Variants in FCHO2 observed in about 807,000 individuals in gnomAD.
The protein encoded by FCHO2 is F-BAR domain only protein 2.
FCHO2 carries 43 observed loss-of-function variants against 114.1 expected under a neutral mutation model. That is an observed-to-expected ratio of 0.38 (90% CI 0.30 to 0.49). The LOEUF (loss-of-function observed/expected upper bound fraction) is 0.49. Ranked by LOEUF, FCHO2 falls within the 20% of genes least tolerant of loss-of-function variation. The pLI is 0.97. For missense variants in FCHO2, 807 were observed against 950.4 expected, an observed-to-expected ratio of 0.85 and a Z score of 1.98; for synonymous variants, 293 against 315.2, an observed-to-expected ratio of 0.93 and a Z score of 0.75.
At position 73,063,852 on chromosome 5, in the gene FCHO2, ACTC is replaced by A; in HGVS notation, c.1361_1363del (p.Pro454del). Reference sequence around the variant, plus strand: ...TCCCCCTCAACCAGCCAGGCCCACAACTCCTCTTTCTGTAGGCACCATTGTCCC... The same window carrying A: ...TCCCCCTCAACCAGCCAGGCCCACAACTCTTTCTGTAGGCACCATTGTCCC... On this transcript the variant is annotated inframe_deletion, in exon 18 of 26. Coordinates refer to ENST00000430046, the MANE Select transcript of FCHO2 (RefSeq NM_138782.3). 1 of 1,611,418 alleles carries A rather than the reference ACTC, an allele frequency of 6.2e-7. No homozygotes were observed. Among genetic ancestry groups the A allele is most frequent in the Non-Finnish European group, 8.5e-7 (1 of 1,178,602 alleles).
At chr5:73,061,845 A>G (rs1757866221) in intron 17 of FCHO2, among the ~76,000 whole-genome samples, 1 of 152,108 alleles carries the variant, frequency 6.6e-6, no homozygotes, top group African/African-American at 2.4e-5. Flanking sequence ...TGAGGATCAC[A>G]GTGACCTTTG....
chr5:73,072,027 A>G (rs1213836269), intron 19 of FCHO2, among the ~76,000 whole-genome samples: 7 of 151,646 alleles, frequency 4.6e-5, no homozygotes, highest in Non-Finnish European at 5.9e-5. Flanking sequence ...GTTACTCAAG[A>G]GACATTTTTT....
chr5:73,034,747 A>G (rs897966207), intron 9 of FCHO2, 46 bp downstream of exon 9: 9 of 1,457,692 alleles, frequency 6.2e-6, no homozygotes, highest in Non-Finnish European at 8.4e-6. Flanking sequence ...GCAGCTAGCT[A>G]GTATCTTCTG....
intron 24 of FCHO2, among the ~76,000 whole-genome samples, chr5:73,086,095 C>T (rs2112898956): frequency 6.6e-6 from 1 of 151,288 alleles, no homozygotes; most frequent in South Asian, 2.1e-4. Context: ...GCACTCCAGC[C>T]TAGGCAACAG....
chr5:73,009,898 A>C (rs759374454), intron 6 of FCHO2, among the ~76,000 whole-genome samples: 1 of 152,194 alleles, frequency 6.6e-6, no homozygotes, highest in Non-Finnish European at 1.5e-5. Context: ...TGCTGCTTTT[A>C]AATAAAGATG....
At chr5:73,080,389 C>T (rs1043203293) in intron 22 of FCHO2, among the ~76,000 whole-genome samples, 9 of 152,158 alleles carry the variant, frequency 5.9e-5, no homozygotes, top group African/African-American at 2.2e-4. Context: ...ACCTTTAATT[C>T]AACAATTCCA....
intron 21 of FCHO2, 126 bp downstream of exon 21, chr5:73,077,619 C>G: frequency 9.5e-7 from 1 of 1,055,182 alleles, no homozygotes. Context: ...TGCTTGAGCC[C>G]AGTTGTTCAA....
chr5:72,990,651 T>C lies in FCHO2; in HGVS notation c.342+32T>C, dbSNP rs760129957. ...GTTTTTTTCTTGTTAAATAATTGAT[T>C]GGTCAGATATTGAATACTTTATAGT... On this transcript the variant is annotated intron_variant, in intron 4 of 25. Coordinates refer to ENST00000430046, the MANE Select transcript of FCHO2 (RefSeq NM_138782.3). 3.9e-6 allele frequency: 6 copies of C among 1,526,158 alleles called. No individual in the cohort carries two copies. In the Admixed American group the frequency reaches 1.5e-4, roughly 37 times the overall value. The allele number at this position is 1,526,158 out of a possible 1,614,324, so 94.5% of individuals were successfully genotyped here.
At chr5:73,016,235 G>T (rs1382656355) in intron 7 of FCHO2, among the ~76,000 whole-genome samples, 1 of 151,914 alleles carries the variant, frequency 6.6e-6, no homozygotes, top group Non-Finnish European at 1.5e-5. Context: ...GATTACTTGA[G>T]CCCAGAAGTT....
intron 8 of FCHO2, among the ~76,000 whole-genome samples, chr5:73,030,052 T>G (rs911718796): frequency 6.0e-5 from 9 of 151,044 alleles, no homozygotes; most frequent in Non-Finnish European, 1.2e-4. Flanking sequence ...TTTGTTTTTT[T>G]TTTTTTTGAG....
chr5:73,027,028 T>G (rs1293948537), intron 8 of FCHO2, among the ~76,000 whole-genome samples: 3 of 150,710 alleles, frequency 2.0e-5, no homozygotes, highest in East Asian at 2.0e-4. Flanking sequence ...GTTTTTTTTT[T>G]TTTTTTTTTA....
At chr5:73,006,719 A>G (rs1199350734) in intron 6 of FCHO2, among the ~76,000 whole-genome samples, 170 bp downstream of exon 6, 1 of 152,210 alleles carries the variant, frequency 6.6e-6, no homozygotes, top group Non-Finnish European at 1.5e-5. Flanking sequence ...TTGAGGACCA[A>G]GATGCAATAA....
intron 11 of FCHO2, among the ~76,000 whole-genome samples, chr5:73,048,474 T>C (rs969521487): frequency 8.6e-5 from 13 of 151,988 alleles, no homozygotes; most frequent in Non-Finnish European, 1.8e-4. Context: ...ATAAAAATAT[T>C]TTCAATCTGC....
intron 10 of FCHO2, among the ~76,000 whole-genome samples, chr5:73,038,524 A>T (rs537986670): frequency 6.6e-6 from 1 of 152,338 alleles, no homozygotes; most frequent in East Asian, 1.9e-4. Context: ...CTTCCCTAGC[A>T]TAATCAAAGG....
At chr5:73,054,200 A>G (rs1362519359) in intron 14 of FCHO2, 29 bp downstream of exon 14, 4 of 1,499,556 alleles carry the variant, frequency 2.7e-6, no homozygotes, top group Non-Finnish European at 2.7e-6. Flanking sequence ...ATTTTTGCCC[A>G]TTGACTTTTA....
chr5:72,958,361 A>G (rs1751669451), intron 1 of FCHO2, among the ~76,000 whole-genome samples: 1 of 152,074 alleles, frequency 6.6e-6, no homozygotes, highest in African/African-American at 2.4e-5. Flanking sequence ...ATTTTTGTGT[A>G]TGGTGCAAGG....
Position 72,990,431 on chromosome 5 carries a change from T to A in FCHO2, c.201-47T>A, listed in dbSNP as rs141037901. ...TGGTTCCTTGTTAGAACCTTAATTT[T>A]CTTTTTTACTTTTAATAAGTTATTC... On this transcript the variant is annotated intron_variant, in intron 3 of 25. Transcript: ENST00000430046. 542 of 1,410,070 alleles carry A rather than the reference T, an allele frequency of 3.8e-4. No individual in the cohort carries two copies. In the African/African-American group the frequency reaches 6.6e-3, roughly 17 times the overall value. 87.3% of individuals were successfully genotyped at this position (1,410,070 alleles called of 1,614,324 possible).
At chr5:73,004,047 C>CAAAA (rs34849736) in intron 5 of FCHO2, among the ~76,000 whole-genome samples, 4 of 26,482 alleles carry the variant, frequency 1.5e-4, no homozygotes, top group African/African-American at 1.4e-4. Flanking sequence ...GACTCCATCT[C>CAAAA]AAAAAAAAAA....
intron 5 of FCHO2, among the ~76,000 whole-genome samples, chr5:72,992,005 G>A (rs976492744): frequency 3.3e-5 from 5 of 151,984 alleles, no homozygotes; most frequent in Admixed American, 6.6e-5. Flanking sequence ...TAAATAAGAG[G>A]GGCTGTTACA....
Sources: gnomAD v4.1 joint callset for allele counts (sites outside exome capture counted in the v4.1 genomes callset) on GRCh38, gnomAD v4.1.1 for gene constraint, MANE v1.5 for transcripts, NCBI Gene and HGNC (gene_info 2026-07-23, HGNC 2026-07-21) for gene names.